The following TBC1D22A variants were observed in gnomAD, a reference collection of about 807,000 sequenced individuals.
The protein encoded by TBC1D22A is TBC1 domain family member 22A.
Under a neutral mutation model 60.2 loss-of-function variants are expected in TBC1D22A, and 38 were observed. The ratio of observed to expected loss-of-function variants is 0.63; its 90% CI spans 0.49 to 0.83. The LOEUF is 0.83. Among genes scored for constraint, TBC1D22A ranks in the 40% least tolerant of loss-of-function variants. TBC1D22A has a pLI of 0.00. For missense variants in TBC1D22A, 628 were observed against 701.0 expected, an observed-to-expected ratio of 0.90 and a Z score of 1.18; for synonymous variants, 302 against 281.7, an observed-to-expected ratio of 1.07 and a Z score of -0.72.
At chr22:47,001,559 A>G (rs1044249796) in intron 10 of TBC1D22A, among the ~76,000 whole-genome samples, 8 of 151,598 alleles carry the variant, frequency 5.3e-5, no homozygotes, top group African/African-American at 1.9e-4. Context: ...TGGTTTCATT[A>G]TATGTCGTTT....
In TBC1D22A at chr22:47,053,346, CAGAG is replaced by C. The variant is rs200257511; in HGVS notation, c.1329+16149_1329+16152del. Reference sequence around the variant, plus strand: ...GGTTGCCAGGGCCCCTCCTGAGAGGCAGAGCCTGGGGGCTTTGCTATCCCAGTCC... The same window carrying C: ...GGTTGCCAGGGCCCCTCCTGAGAGGCCCTGGGGGCTTTGCTATCCCAGTCC... On this transcript the variant is annotated intron_variant, in intron 11 of 12. Coordinates refer to ENST00000337137, the MANE Select transcript of TBC1D22A (RefSeq NM_014346.5). 1.6e-3 allele frequency among the ~76,000 whole-genome samples: 241 copies of C among 152,330 alleles called. 3 individuals are homozygous for C. Among genetic ancestry groups the C allele is most frequent in the Admixed American group, 0.015 (234 of 15,308 alleles).
intron 12 of TBC1D22A, among the ~76,000 whole-genome samples, chr22:47,158,817 C>G (rs1412321812): frequency 6.6e-6 from 1 of 152,134 alleles, no homozygotes; most frequent in Non-Finnish European, 1.5e-5. Context: ...GTCCCGCAGC[C>G]ACCAGCCAGG....
At chr22:46,905,156 C>T (rs1264605739) in intron 7 of TBC1D22A, among the ~76,000 whole-genome samples, 1 of 152,148 alleles carries the variant, frequency 6.6e-6, no homozygotes, top group African/African-American at 2.4e-5. Flanking sequence ...CAGGTGATTT[C>T]GGAAGGAGTT....
intron 4 of TBC1D22A, among the ~76,000 whole-genome samples, chr22:46,830,014 C>T: frequency 6.6e-6 from 1 of 152,184 alleles, no homozygotes; most frequent in Non-Finnish European, 1.5e-5. Flanking sequence ...CTGTGCTCGG[C>T]GAGAGACAGA....
chr22:46,878,324 A>AGGGAGAGAAGGAGGTAGGAGGGG (rs2067666829), intron 4 of TBC1D22A, among the ~76,000 whole-genome samples: 1 of 10,522 alleles, frequency 9.5e-5, no homozygotes, highest in Non-Finnish European at 2.0e-4. Context: ...GGTGGGAGGG[A>AGGGAGAGAAGGAGGTAGGAGGGG]GAGAGAGAAG....
intron 5 of TBC1D22A, among the ~76,000 whole-genome samples, chr22:46,885,979 C>G (rs1162002276): frequency 6.7e-6 from 1 of 149,340 alleles, no homozygotes; most frequent in Admixed American, 6.7e-5. Context: ...GCGATCTTGG[C>G]TCACTGCACG....
intron 4 of TBC1D22A, among the ~76,000 whole-genome samples, chr22:46,826,563 A>G (rs1438067814): frequency 1.3e-5 from 2 of 151,926 alleles, no homozygotes; most frequent in Non-Finnish European, 2.9e-5. Flanking sequence ...TGTGTTTGGG[A>G]GAGGGCTTTT....
chr22:46,786,162 T>G (rs1290123233), intron 1 of TBC1D22A, among the ~76,000 whole-genome samples: 1 of 152,224 alleles, frequency 6.6e-6, no homozygotes, highest in Non-Finnish European at 1.5e-5. Context: ...TTTGTAGATA[T>G]CCTTTATCAG....
intron 8 of TBC1D22A, among the ~76,000 whole-genome samples, chr22:46,929,198 GT>G (rs1308809068): frequency 3.9e-5 from 6 of 152,298 alleles, no homozygotes; most frequent in Non-Finnish European, 8.8e-5. Context: ...ACATTGTGTG[GT>G]TTCTGCTTTT....
rs1601772555 is a variant in TBC1D22A at position 47,174,227 on chromosome 22, T to C, written c.*601T>C. ...GTGGCTGGGAAGCTGAAGGCTGGAG[T>C]CCAAGCCGTGAGCCCGCCGAGTGCC... is the stretch of plus-strand genomic sequence containing the variant. On this transcript the variant is annotated 3_prime_UTR_variant, in exon 13 of 13. Transcript: ENST00000337137. The C allele has an allele frequency of 1.3e-5, 2 of 152,454 alleles. No homozygotes were observed. Among genetic ancestry groups the C allele is most frequent in the Non-Finnish European group, 2.9e-5 (2 of 68,266 alleles). The allele number at this position is 152,454 out of a possible 1,614,324, so 9.4% of individuals were successfully genotyped here. A position where few individuals can be genotyped will look rare whatever the true frequency, so the allele number is the denominator to read the frequency against.
chr22:47,048,927 G>C (rs4486), intron 11 of TBC1D22A, among the ~76,000 whole-genome samples: 104,542 of 151,952 alleles, frequency 0.69, 36,509 homozygotes, highest in East Asian at 0.92. Flanking sequence ...GTCTGGTGTA[G>C]CGTGGTAATG....
chr22:46,765,711 T>G (rs1465092147), intron 1 of TBC1D22A, among the ~76,000 whole-genome samples: 1 of 151,728 alleles, frequency 6.6e-6, no homozygotes, highest in African/African-American at 2.4e-5. Context: ...AGGTGATCCA[T>G]CCACCTCAGC....
At chr22:47,064,435 G>A (rs1472674329) in intron 11 of TBC1D22A, among the ~76,000 whole-genome samples, 2 of 152,270 alleles carry the variant, frequency 1.3e-5, no homozygotes, top group Non-Finnish European at 2.9e-5. Flanking sequence ...TAATGTCAGG[G>A]AGGATTAACT....
At chr22:47,135,471 G>T (rs2066832861) in intron 12 of TBC1D22A, among the ~76,000 whole-genome samples, 1 of 152,214 alleles carries the variant, frequency 6.6e-6, no homozygotes, top group Non-Finnish European at 1.5e-5. Context: ...CAGCAGTCGG[G>T]GTAGGGGGAG....
chr22:47,156,821 C>G (rs1379263477), intron 12 of TBC1D22A, among the ~76,000 whole-genome samples: 1 of 152,202 alleles, frequency 6.6e-6, no homozygotes, highest in Non-Finnish European at 1.5e-5. Context: ...CCGGGAGCCA[C>G]TGCTGCCCGC....
rs186552644 is a variant in TBC1D22A, at chr22:46,970,139, C to T, written c.1016-4151C>T. On this transcript the variant is annotated intron_variant, in intron 8 of 12. Coordinates refer to ENST00000337137, the MANE Select transcript of TBC1D22A (RefSeq NM_014346.5). Reference sequence around the variant, plus strand: ...CTGGAATCCAGCTGCTTTGAGGCAGCTTGGGCATGTCTTCATGACCCAGGA... The same window carrying T: ...CTGGAATCCAGCTGCTTTGAGGCAGTTTGGGCATGTCTTCATGACCCAGGA... Among the ~76,000 whole-genome samples, 743 of 152,188 alleles carry T rather than the reference C, an allele frequency of 4.9e-3. 5 individuals carry two copies. The highest frequency in any genetic ancestry group is 0.014 in the Middle Eastern group (4 of 294).
chr22:46,802,363 A>G lies in TBC1D22A; in HGVS notation c.637+4743A>G, dbSNP rs538153905. 2.5e-4 allele frequency among the ~76,000 whole-genome samples: 38 copies of G among 152,312 alleles called. No homozygotes were observed. In the East Asian group the frequency reaches 6.2e-3, roughly 25 times the overall value. ...AAGGCATGTGGAGGGTAGAGGCTGG[A>G]GCTGCTCTGCAGTTGGCTGTTTCTG... On this transcript the variant is annotated intron_variant, in intron 4 of 12. Transcript: ENST00000337137.
At chr22:47,135,404 G>A (rs1601626321) in intron 12 of TBC1D22A, among the ~76,000 whole-genome samples, 1 of 152,354 alleles carries the variant, frequency 6.6e-6, no homozygotes, top group East Asian at 1.9e-4. Context: ...AGGGAGGATG[G>A]AGTGAGAGTG....
chr22:46,945,795 T>C (rs116935743), intron 8 of TBC1D22A, among the ~76,000 whole-genome samples: 1 of 152,324 alleles, frequency 6.6e-6, no homozygotes, highest in Non-Finnish European at 1.5e-5. Context: ...ATGATCCTTC[T>C]GTAGAGGCGG....
Sources: gnomAD v4.1 joint callset for allele counts (sites outside exome capture counted in the v4.1 genomes callset) on GRCh38, gnomAD v4.1.1 for gene constraint, MANE v1.5 for transcripts, NCBI Gene and HGNC (gene_info 2026-07-23, HGNC 2026-07-21) for gene names.